Variants in KCNC2 observed in about 807,000 individuals in gnomAD.
KCNC2 encodes potassium voltage-gated channel subfamily C member 2.
A neutral mutation model predicts 44.5 loss-of-function variants in KCNC2; 21 were observed. The observed-to-expected ratio is 0.47, with a 90% CI of 0.33 to 0.68. The LOEUF is 0.68. Among genes scored for constraint, KCNC2 ranks in the 30% least tolerant of loss-of-function variants. The pLI is 0.01. For missense variants in KCNC2, 589 were observed against 826.2 expected, an observed-to-expected ratio of 0.71 and a Z score of 3.52; for synonymous variants, 391 against 339.1, an observed-to-expected ratio of 1.15 and a Z score of -1.68.
At position 75,202,939 on chromosome 12, in the gene KCNC2, A is replaced by G. The variant is rs1051137805; in HGVS notation, c.687+4358T>C. On this transcript the variant is annotated intron_variant, in intron 2 of 4. Transcript: ENST00000549446. ...GTGAGCTCATTGAAGGCAAAGGATT[A>G]TATCTTCTCCATGCATTCCCAGTAC... 4.0e-5 allele frequency among the ~76,000 whole-genome samples: 6 copies of G among 151,682 alleles called. 1 individual carries two copies. Among genetic ancestry groups the G allele is most frequent in the Non-Finnish European group, 7.4e-5 (5 of 67,716 alleles).
intron 2 of KCNC2, among the ~76,000 whole-genome samples, chr12:75,130,140 A>G (rs538844640): frequency 1.3e-5 from 2 of 152,312 alleles, no homozygotes; most frequent in Admixed American, 1.3e-4. Context: ...CTATCTATGT[A>G]TAATTTCCCA....
At chr12:75,169,098 C>A (rs933080676) in intron 2 of KCNC2, among the ~76,000 whole-genome samples, 2 of 151,450 alleles carry the variant, frequency 1.3e-5, no homozygotes, top group African/African-American at 2.4e-5. Context: ...TTACAGGGAG[C>A]CTTCTTTTCT....
intron 2 of KCNC2, among the ~76,000 whole-genome samples, chr12:75,105,008 A>G (rs1886667122): frequency 6.6e-6 from 1 of 152,210 alleles, no homozygotes; most frequent in Non-Finnish European, 1.5e-5. Flanking sequence ...ATCAAAAAAT[A>G]TAGAAGTCCC....
At chr12:75,128,060 A>G (rs1379387894) in intron 2 of KCNC2, among the ~76,000 whole-genome samples, 1 of 152,212 alleles carries the variant, frequency 6.6e-6, no homozygotes, top group African/African-American at 2.4e-5. Flanking sequence ...AAATTATACA[A>G]TGAAAAATAA....
chr12:75,096,130 A>G (rs896370583), intron 2 of KCNC2, among the ~76,000 whole-genome samples: 1 of 152,000 alleles, frequency 6.6e-6, no homozygotes, highest in African/African-American at 2.4e-5. Context: ...GACAAATACC[A>G]CAGTTGGCAC....
rs1047107525 is a variant in KCNC2 at position 75,051,242 on chromosome 12, T to G, written c.763A>C (p.Asn255His). The G allele has an allele frequency of 6.2e-7, 1 of 1,608,810 alleles. No individual in the cohort carries two copies. Among genetic ancestry groups the G allele is most frequent in the Non-Finnish European group, 8.5e-7 (1 of 1,175,792 alleles). ...TFCLETHEAF[N>H]IVKNKTEPVI... ...GGTTCTGTCTTGTTTTTAACAATAT[T>G]GAAAGCTTCATGTGTTTCCAGGCAA... Residue 255 changes from asparagine (N) to histidine (H), a missense_variant, in exon 3 of 5, where the codon AAT (asparagine) becomes CAT (histidine). Asn to His is a moderately conservative substitution (Grantham distance 68). This residue lies in a region of KCNC2 where 26 missense variants were observed against 50.4 expected (regional missense o/e 0.52). Coordinates refer to ENST00000549446, the MANE Select transcript of KCNC2 (RefSeq NM_139137.4).
chr12:75,073,573 C>A (rs1883625648), intron 2 of KCNC2, among the ~76,000 whole-genome samples: 1 of 152,072 alleles, frequency 6.6e-6, no homozygotes, highest in South Asian at 2.1e-4. Flanking sequence ...TGTTTTCTTG[C>A]TTAAAATATT....
intron 2 of KCNC2, among the ~76,000 whole-genome samples, chr12:75,135,595 G>T (rs980035851): frequency 1.3e-5 from 2 of 151,936 alleles, no homozygotes; most frequent in African/African-American, 4.8e-5. Flanking sequence ...CGCAAAATCT[G>T]ATAATTCCAG....
intron 2 of KCNC2, among the ~76,000 whole-genome samples, chr12:75,189,716 C>A (rs1390147469): frequency 6.6e-6 from 1 of 152,186 alleles, no homozygotes; most frequent in East Asian, 1.9e-4. Flanking sequence ...ACACCGCATT[C>A]AGAGTGAAGT....
At chr12:75,052,979 G>C (rs1881341914) in intron 2 of KCNC2, among the ~76,000 whole-genome samples, 1 of 152,054 alleles carries the variant, frequency 6.6e-6, no homozygotes, top group Non-Finnish European at 1.5e-5. Context: ...AGCTTTCCCA[G>C]ACGTTTTATG....
chr12:75,046,010 GA>G (rs1261820364), intron 4 of KCNC2, among the ~76,000 whole-genome samples: 6 of 151,634 alleles, frequency 4.0e-5, no homozygotes, highest in African/African-American at 1.5e-4. Context: ...TACAAAAAGG[GA>G]AACAGGAGAA....
intron 2 of KCNC2, among the ~76,000 whole-genome samples, chr12:75,052,800 G>A (rs2136952287): frequency 6.6e-6 from 1 of 152,208 alleles, no homozygotes; most frequent in Non-Finnish European, 1.5e-5. Context: ...TTAGGACTGT[G>A]GCTATCTGCC....
chr12:75,164,101 C>T (rs1404589329), intron 2 of KCNC2, among the ~76,000 whole-genome samples: 1 of 151,666 alleles, frequency 6.6e-6, no homozygotes, highest in Non-Finnish European at 1.5e-5. Context: ...GCTCCCTGTT[C>T]CATGACTAGT....
At chr12:75,062,483 G>A (rs1042349865) in intron 2 of KCNC2, among the ~76,000 whole-genome samples, 2 of 151,842 alleles carry the variant, frequency 1.3e-5, no homozygotes, top group Non-Finnish European at 2.9e-5. Flanking sequence ...ACATCCAAAT[G>A]CTGGTTCTAC....
At chr12:75,099,600 A>G (rs1886209790) in intron 2 of KCNC2, among the ~76,000 whole-genome samples, 1 of 152,212 alleles carries the variant, frequency 6.6e-6, no homozygotes, top group South Asian at 2.1e-4. Context: ...CAAGAATTCA[A>G]TACTGATTCA....
At chr12:75,078,478 G>T (rs1324012288) in intron 2 of KCNC2, among the ~76,000 whole-genome samples, 1 of 152,164 alleles carries the variant, frequency 6.6e-6, no homozygotes, top group African/African-American at 2.4e-5. Flanking sequence ...GAATAGAATA[G>T]CTCTTTCCTT....
chr12:75,148,668 C>G (rs1890186625), intron 2 of KCNC2, among the ~76,000 whole-genome samples: 1 of 151,566 alleles, frequency 6.6e-6, no homozygotes, highest in Non-Finnish European at 1.5e-5. Context: ...TTTTGTTAAC[C>G]AAAAACATAA....
rs1236050445 is a variant in KCNC2 at position 75,132,194 on chromosome 12, TA to T, written c.687+75102del. On this transcript the variant is annotated intron_variant, in intron 2 of 4. Coordinates refer to ENST00000549446, the MANE Select transcript of KCNC2 (RefSeq NM_139137.4). ...GGGGCTATCAGTGAGATACTGCAGG[TA>T]ATGAGCTTTGCATAGTGCTTGGTAT... Among the ~76,000 whole-genome samples, 5 of 152,212 alleles carry T rather than the reference TA, an allele frequency of 3.3e-5. No individual in the cohort carries two copies. The East Asian group carries it at 9.7e-4, about 29-fold the overall frequency.
intron 2 of KCNC2, among the ~76,000 whole-genome samples, chr12:75,205,162 G>T (rs2031587563): frequency 6.6e-6 from 1 of 152,130 alleles, no homozygotes; most frequent in African/African-American, 2.4e-5. Context: ...AGTTTTGCTA[G>T]AAAGGGCCTG....
Sources: gnomAD v4.1 joint callset for allele counts (sites outside exome capture counted in the v4.1 genomes callset) on GRCh38, gnomAD v4.1.1 for gene constraint, gnomAD v4.1.1 regional missense constraint, MANE v1.5 for transcripts, NCBI Gene and HGNC (gene_info 2026-07-23, HGNC 2026-07-21) for gene names.